PRKACB: variants seen among roughly 807,000 people sequenced by gnomAD.
PRKACB encodes the protein protein kinase cAMP-activated catalytic subunit beta.
In PRKACB, 16 loss-of-function variants were observed where a neutral mutation model predicts 51.4. The observed-to-expected ratio is 0.31, with a 90% CI of 0.21 to 0.47. PRKACB has a LOEUF of 0.47. Among genes scored for constraint, PRKACB ranks in the 20% least tolerant of loss-of-function variants. The pLI is 1.00. For synonymous variants in PRKACB, 147 were observed against 154.4 expected, an observed-to-expected ratio of 0.95 and a Z score of 0.35; for missense variants, 309 against 464.5, an observed-to-expected ratio of 0.67 and a Z score of 3.08.
At chr1:84,079,830 T>C (rs548101418) in intron 1 of PRKACB, among the ~76,000 whole-genome samples, 1 of 152,246 alleles carries the variant, frequency 6.6e-6, no homozygotes, top group African/African-American at 2.4e-5. Context: ...CACACCCGGC[T>C]AATTTTTGTA....
intron 9 of PRKACB, among the ~76,000 whole-genome samples, chr1:84,232,142 A>G (rs1675792976): frequency 3.3e-5 from 5 of 152,256 alleles, no homozygotes; most frequent in South Asian, 4.2e-4. Flanking sequence ...GTTGGTTTCA[A>G]AGAACATCTT....
Position 84,130,189 on chromosome 1 carries a change from C to CAAA in PRKACB, c.47-48965_47-48963dup, listed in dbSNP as rs71097833. 7.4e-3 allele frequency among the ~76,000 whole-genome samples: 397 copies of CAAA among 53,994 alleles called. 1 individual carries two copies. Among genetic ancestry groups the CAAA allele is most frequent in the Middle Eastern group, 0.013 (1 of 78 alleles). The allele number at this position is 53,994 out of a possible 152,430, so 35.4% of individuals were successfully genotyped here. A position where few individuals can be genotyped will look rare whatever the true frequency, so the allele number is the denominator to read the frequency against. ...TAGGCAACAGAGCGAGACTCCGTCT[C>CAAA]AAAAAAAAAAAAAAAAAAAAAAAAA... On this transcript the variant is annotated intron_variant, in intron 1 of 8. Coordinates refer to the PRKACB transcript ENST00000370688.
At chr1:84,116,078 T>C (rs545182113) in intron 1 of PRKACB, among the ~76,000 whole-genome samples, 86 of 152,186 alleles carry the variant, frequency 5.7e-4, no homozygotes, top group African/African-American at 1.9e-3. Context: ...GCTATTCAGT[T>C]TTCCCAGGAC....
At chr1:84,109,907 A>G (rs1420726453) in intron 1 of PRKACB, among the ~76,000 whole-genome samples, 1 of 151,756 alleles carries the variant, frequency 6.6e-6, no homozygotes, top group Non-Finnish European at 1.5e-5. Flanking sequence ...AACTTTCCTT[A>G]TTTGTCTTTC....
intron 7 of PRKACB, among the ~76,000 whole-genome samples, chr1:84,202,322 AC>A (rs1306249815): frequency 6.6e-6 from 1 of 152,040 alleles, no homozygotes; most frequent in Non-Finnish European, 1.5e-5. Context: ...AAGATTATGG[AC>A]CTAGAGTGGG....
rs1671216745 is a variant in PRKACB, at chr1:84,205,598, A to C, written c.906+2793A>C. ...TATATTGATTATATCCACCATTCTG[A>C]AGTCACGTTATAAAGATTATAGGTA... On this transcript the variant is annotated intron_variant, in intron 8 of 9. Coordinates refer to ENST00000370685, the MANE Select transcript of PRKACB (RefSeq NM_182948.4). 2.0e-5 allele frequency among the ~76,000 whole-genome samples: 3 copies of C among 152,062 alleles called. No homozygotes were observed. In the South Asian group the frequency reaches 6.2e-4, roughly 31 times the overall value.
intron 5 of PRKACB, among the ~76,000 whole-genome samples, chr1:84,191,912 A>T (rs538816476): frequency 1.3e-5 from 2 of 152,246 alleles, no homozygotes; most frequent in South Asian, 4.1e-4. Flanking sequence ...AAAATATTTT[A>T]TATAAGCACC....
Position 84,237,982 on chromosome 1 carries a change from A to G in PRKACB, c.*2677A>G, listed in dbSNP as rs186836627. ...TTTTATCTGATATTTTGAAGGGTAT[A>G]TTGCTTTGAAGTAAGTCTCAATAAG... On this transcript the variant is annotated 3_prime_UTR_variant, in exon 10 of 10. Transcript: ENST00000370685. 4 of 152,250 alleles carry G rather than the reference A, an allele frequency of 2.6e-5. No homozygotes were observed. Among genetic ancestry groups the G allele is most frequent in the African/African-American group, 9.6e-5 (4 of 41,552 alleles). 9.4% of individuals were successfully genotyped at this position (152,250 alleles called of 1,614,324 possible).
chr1:84,182,468 A>G (rs1369493983), intron 3 of PRKACB, 140 bp downstream of exon 3: 1 of 617,688 alleles, frequency 1.6e-6, no homozygotes, highest in Middle Eastern at 5.2e-4. Flanking sequence ...TTGTAACTAA[A>G]TTTTTATTGT....
At chr1:84,207,658 C>A (rs183498616) in intron 8 of PRKACB, among the ~76,000 whole-genome samples, 5 of 152,180 alleles carry the variant, frequency 3.3e-5, no homozygotes, top group African/African-American at 1.2e-4. Flanking sequence ...TGTATATAAA[C>A]CCTTTTGAGT....
At chr1:84,145,841 CT>C (rs901089487) in intron 1 of PRKACB, among the ~76,000 whole-genome samples, 6 of 151,676 alleles carry the variant, frequency 4.0e-5, no homozygotes, top group African/African-American at 1.5e-4. Context: ...CTTTTAAATC[CT>C]TTTGGAAATT....
intron 1 of PRKACB, among the ~76,000 whole-genome samples, chr1:84,159,703 T>C (rs1003829801): frequency 1.3e-5 from 2 of 152,146 alleles, no homozygotes; most frequent in Non-Finnish European, 2.9e-5. Flanking sequence ...TCATTAAATA[T>C]GACATAAGTA....
chr1:84,234,443 C>T (rs1367305921), intron 9 of PRKACB, among the ~76,000 whole-genome samples: 2 of 152,238 alleles, frequency 1.3e-5, no homozygotes, highest in African/African-American at 4.8e-5. Flanking sequence ...GGGCTCCACC[C>T]AGTTCGAGCT....
rs547829223 is a variant in PRKACB, at chr1:84,157,801, G to C, written c.187+13253G>C. 1.1e-4 allele frequency among the ~76,000 whole-genome samples: 16 copies of C among 152,260 alleles called. No individual in the cohort carries two copies. In the South Asian group the frequency reaches 3.3e-3, roughly 32 times the overall value. The stretch of plus-strand genomic sequence containing the variant: ...ATACATTTTGTTTATCCATTCTGCA[G>C]TTGATGCACATGAGAATTGGTTTGT... On this transcript the variant is annotated intron_variant, in intron 1 of 9. Coordinates refer to ENST00000370685, the MANE Select transcript of PRKACB (RefSeq NM_182948.4).
chr1:84,161,849 TAA>T (rs1175647958), intron 1 of PRKACB, among the ~76,000 whole-genome samples: 1 of 151,918 alleles, frequency 6.6e-6, no homozygotes, highest in African/African-American at 2.4e-5. Flanking sequence ...TTAAAGAAAT[TAA>T]GAGAGAACAG....
chr1:84,133,963 T>C (rs1300642087), intron 1 of PRKACB, among the ~76,000 whole-genome samples: 2 of 152,180 alleles, frequency 1.3e-5, no homozygotes, highest in Non-Finnish European at 2.9e-5. Context: ...TTAGGTTGCA[T>C]GAATGAATTG....
upstream of PRKACB, among the ~76,000 whole-genome samples, chr1:84,143,656 A>T (rs1460031519): frequency 6.6e-6 from 1 of 152,200 alleles, no homozygotes; most frequent in Non-Finnish European, 1.5e-5. Flanking sequence ...AATGTTTTAA[A>T]ATGTACCCCT....
intron 1 of PRKACB, among the ~76,000 whole-genome samples, chr1:84,176,422 G>C (rs924965492): frequency 2.6e-5 from 4 of 151,700 alleles, no homozygotes; most frequent in Non-Finnish European, 4.4e-5. Context: ...GTTCTAGATT[G>C]CTTATTGTTT....
intron 1 of PRKACB, among the ~76,000 whole-genome samples, chr1:84,146,383 C>T (rs371742859): frequency 6.4e-4 from 97 of 151,902 alleles, no homozygotes; most frequent in African/African-American, 2.2e-3. Flanking sequence ...CTATAATTTC[C>T]TATTATGAAA....
Sources: gnomAD v4.1 joint callset for allele counts (sites outside exome capture counted in the v4.1 genomes callset) on GRCh38, gnomAD v4.1.1 for gene constraint, MANE v1.5 for transcripts, NCBI Gene and HGNC (gene_info 2026-07-23, HGNC 2026-07-21) for gene names.